Variants in SNX18 observed in about 807,000 individuals in gnomAD.
SNX18 encodes the protein sorting nexin 18, also known as sorting nexin-18.
Under a neutral mutation model 48.7 loss-of-function variants are expected in SNX18, and 35 were observed. The observed-to-expected ratio is 0.72, with a 90% CI of 0.55 to 0.95. The LOEUF (loss-of-function observed/expected upper bound fraction) is 0.95. SNX18 is among the 40% of genes least tolerant of loss of function. SNX18 has a pLI of 0.00. For synonymous variants in SNX18, 492 were observed against 384.7 expected, an observed-to-expected ratio of 1.28 and a Z score of -3.26; for missense variants, 824 against 871.0, an observed-to-expected ratio of 0.95 and a Z score of 0.68.
chr5:54,564,858 A>AAAACAAACAAACAAAAAC, the SNX18 span, among the ~76,000 whole-genome samples: 1 of 151,964 alleles, frequency 6.6e-6, no homozygotes. Context: ...TCCGTCTCAA[A>AAAACAAACAAACAAAAAC]AAACAAACAA....
the SNX18 span, among the ~76,000 whole-genome samples, chr5:54,596,501 G>A: frequency 3.9e-5 from 6 of 152,202 alleles, no homozygotes; most frequent in African/African-American, 1.4e-4. Flanking sequence ...AAGAAGGAAA[G>A]CACTCTTCTC....
chr5:54,571,931 A>G, the SNX18 span, among the ~76,000 whole-genome samples: 1 of 152,174 alleles, frequency 6.6e-6, no homozygotes, highest in African/African-American at 2.4e-5. Flanking sequence ...ACCCCCTACC[A>G]TGTATCAGTT....
the SNX18 span, among the ~76,000 whole-genome samples, chr5:54,558,010 A>T: frequency 6.6e-6 from 1 of 152,174 alleles, no homozygotes; most frequent in African/African-American, 2.4e-5. Flanking sequence ...CTGGGATTAT[A>T]GGTGTGAGCC....
the SNX18 span, among the ~76,000 whole-genome samples, chr5:54,567,212 TATG>T: frequency 1.3e-5 from 2 of 152,018 alleles, no homozygotes; most frequent in Non-Finnish European, 2.9e-5. Flanking sequence ...TGTGTGTGTG[TATG>T]TGTGTGTGTG....
chr5:54,595,166 T>A, the SNX18 span, among the ~76,000 whole-genome samples: 1 of 152,214 alleles, frequency 6.6e-6, no homozygotes, highest in Non-Finnish European at 1.5e-5. Flanking sequence ...TTAAACAATT[T>A]GTTTTCTTTT....
At chr5:54,578,920 C>T in the SNX18 span, among the ~76,000 whole-genome samples, 2 of 152,172 alleles carry the variant, frequency 1.3e-5, no homozygotes, top group African/African-American at 4.8e-5. Context: ...GAAATAACCT[C>T]CCATGTATTT....
the SNX18 span, among the ~76,000 whole-genome samples, chr5:54,647,822 T>G: frequency 0.22 from 32,437 of 150,680 alleles, 3,572 homozygotes; most frequent in Middle Eastern, 0.3. Context: ...GGATGAAGAG[T>G]TGAGAACAGA....
chr5:54,622,611 A>T, the SNX18 span, among the ~76,000 whole-genome samples: 1 of 148,158 alleles, frequency 6.7e-6, no homozygotes, highest in Non-Finnish European at 1.5e-5. Context: ...AATAAATATA[A>T]ATATATATAA....
the SNX18 span, among the ~76,000 whole-genome samples, chr5:54,551,726 G>C: frequency 6.6e-6 from 1 of 152,170 alleles, no homozygotes; most frequent in Non-Finnish European, 1.5e-5. Flanking sequence ...CAATTTACTT[G>C]AGACTACCAG....
At chr5:54,567,230 CGT>C in the SNX18 span, among the ~76,000 whole-genome samples, 2 of 150,072 alleles carry the variant, frequency 1.3e-5, no homozygotes, top group East Asian at 3.9e-4. Flanking sequence ...TGTGTGTGTG[CGT>C]GTGTGTGTGG....
the SNX18 span, among the ~76,000 whole-genome samples, chr5:54,567,103 TTG>T: frequency 2.0e-5 from 3 of 152,154 alleles, no homozygotes; most frequent in African/African-American, 4.8e-5. Context: ...CTCATCAAAT[TTG>T]TGTTATTACA....
At chr5:54,526,071 T>C (rs930901859) in intron 1 of SNX18, among the ~76,000 whole-genome samples, 2 of 152,142 alleles carry the variant, frequency 1.3e-5, no homozygotes, top group Non-Finnish European at 2.9e-5. Flanking sequence ...GCGACTTCTC[T>C]CTGACCCAAA....
Position 54,519,679 on chromosome 5 carries a change from G to GT in SNX18, c.1621+107dup, listed in dbSNP as rs768731640. The GT allele has an allele frequency of 1.9e-6, 3 of 1,614,102 alleles. No individual in the cohort carries two copies. The African/African-American group carries it at 4.0e-5, about 22-fold the overall frequency. On this transcript the variant is annotated intron_variant, in intron 1 of 1. Coordinates refer to ENST00000381410, the MANE Select transcript of SNX18 (RefSeq NM_001102575.2). ...TGGGTTTCAGAATCATATTCTACAG[G>GT]TGAGGAAGCGAGCAGAGACGTGGAC...
At chr5:54,625,986 T>C in the SNX18 span, among the ~76,000 whole-genome samples, 1 of 152,342 alleles carries the variant, frequency 6.6e-6, no homozygotes, top group South Asian at 2.1e-4. Flanking sequence ...GAAATATTGC[T>C]AGTGCCGTTG....
the SNX18 span, among the ~76,000 whole-genome samples, chr5:54,638,025 C>T: frequency 2.0e-5 from 3 of 147,162 alleles, no homozygotes; most frequent in East Asian, 1.9e-4. Flanking sequence ...ACATTTTCTC[C>T]AATTTCAAAA....
At chr5:54,618,813 A>G in the SNX18 span, among the ~76,000 whole-genome samples, 1 of 146,538 alleles carries the variant, frequency 6.8e-6, no homozygotes, top group Admixed American at 6.8e-5. Flanking sequence ...TATAATTTAA[A>G]GTGTGTGCTA....
chr5:54,567,845 G>C, the SNX18 span, among the ~76,000 whole-genome samples: 1 of 152,066 alleles, frequency 6.6e-6, no homozygotes, highest in Non-Finnish European at 1.5e-5. Context: ...TAGTCTCTGG[G>C]GACTCCCTCC....
chr5:54,546,465 G>C lies in SNX18; in HGVS notation c.*3033G>C, dbSNP rs1005102977. On this transcript the variant is annotated 3_prime_UTR_variant, in exon 2 of 2. Transcript: ENST00000381410. Reference sequence around the variant, plus strand: ...TTGGTTAACAGAATAAGTAAAACAGGGTATTATTTATTTGTAGTCTAGAAA... The same window carrying C: ...TTGGTTAACAGAATAAGTAAAACAGCGTATTATTTATTTGTAGTCTAGAAA... 6.6e-6 allele frequency: 1 copy of C among 152,008 alleles called. No homozygotes were observed. Among genetic ancestry groups the C allele is most frequent in the African/African-American group, 2.4e-5 (1 of 41,366 alleles). The allele number at this position is 152,008 out of a possible 1,614,324, so 9.4% of individuals were successfully genotyped here.
In SNX18 at chr5:54,518,333, G is replaced by A. The variant is rs752160512; in HGVS notation, c.381G>A (p.Pro127=). The A allele has an allele frequency of 2.6e-6, 4 of 1,547,512 alleles. No individual in the cohort carries two copies. The highest frequency in any genetic ancestry group is 1.9e-5 in the Admixed American group (1 of 51,742). ...STFQPPGAGF[P]YGGGALQPSP... The stretch of plus-strand genomic sequence containing the variant: ...TCCAGCCGCCCGGCGCGGGCTTCCC[G>A]TACGGCGGGGGCGCCCTGCAGCCGT... The change falls in exon 1 of 2, where the codon CCG becomes CCA. Residue 127 remains proline, a synonymous_variant. Coordinates refer to ENST00000381410, the MANE Select transcript of SNX18 (RefSeq NM_001102575.2).
Sources: allele counts gnomAD v4.1 joint callset (sites outside exome capture counted in the v4.1 genomes callset), GRCh38; gene constraint gnomAD v4.1.1; transcripts MANE v1.5; gene names NCBI Gene and HGNC (gene_info 2026-07-23, HGNC 2026-07-21).